The following CPLX4 variants were observed in gnomAD, a reference collection of about 807,000 sequenced individuals.
CPLX4 encodes complexin-4.
CPLX4 carries 17 observed loss-of-function variants against 16.1 expected under a neutral mutation model. That is an observed-to-expected ratio of 1.06 (90% CI 0.72 to 1.59). The LOEUF (loss-of-function observed/expected upper bound fraction) is 1.59, where lower values mean the gene tolerates loss of function less well. Among genes scored for constraint, CPLX4 ranks in the 40% most tolerant of loss-of-function variants. CPLX4 has a pLI of 0.00. For synonymous variants in CPLX4, 55 were observed against 57.8 expected (o/e 0.95, Z 0.22); for missense variants, 193 against 192.9 (o/e 1.00, Z 0.00).
chr18:59,305,892 T>C (rs1029184914), intron 2 of CPLX4, among the ~76,000 whole-genome samples: 1 of 151,936 alleles, frequency 6.6e-6, no homozygotes, highest in Non-Finnish European at 1.5e-5. Flanking sequence ...GAAAGATAAC[T>C]CATAAAGAAG....
rs1436139659 is a variant in CPLX4 at position 59,296,340 on chromosome 18, A to G, written c.*358T>C. The G allele has an allele frequency of 3.5e-6, 1 of 289,402 alleles. No individual in the cohort carries two copies. The highest frequency in any genetic ancestry group is 6.5e-6 in the Non-Finnish European group (1 of 154,182). The allele number at this position is 289,402 out of a possible 1,614,324, so 17.9% of individuals were successfully genotyped here. ...CCTGGTGTCCTGCGAATAGTTGGAC[A>G]GGGTGAGAACTTGGCCTCCAAGGAA... On this transcript the variant is annotated 3_prime_UTR_variant, in exon 3 of 3. Coordinates refer to ENST00000299721, the MANE Select transcript of CPLX4 (RefSeq NM_181654.4).
chr18:59,297,200 G>T lies in CPLX4; in HGVS notation c.256-275C>A, dbSNP rs202039889. 5.9e-5 allele frequency among the ~76,000 whole-genome samples: 9 copies of T among 152,144 alleles called. No homozygotes were observed. In the East Asian group the frequency reaches 1.7e-3, roughly 30 times the overall value. ...GCAGCATTAGCATCATCTAGAGCCTGCTGGAACTACAAATTCTTGGGCCCC... is the reference window on the plus strand; with the variant it reads ...GCAGCATTAGCATCATCTAGAGCCTTCTGGAACTACAAATTCTTGGGCCCC... On this transcript the variant is annotated intron_variant, in intron 2 of 2. Coordinates refer to ENST00000299721, the MANE Select transcript of CPLX4 (RefSeq NM_181654.4).
intron 2 of CPLX4, among the ~76,000 whole-genome samples, chr18:59,302,017 C>T (rs1008178976): frequency 7.2e-5 from 11 of 152,140 alleles, no homozygotes; most frequent in Admixed American, 6.5e-4. Flanking sequence ...TGAAAGGATC[C>T]CTGGGATAAA....
Position 59,296,602 on chromosome 18 carries a change from G to A in CPLX4, c.*96C>T. The A allele has an allele frequency of 7.4e-7, 1 of 1,347,818 alleles. No individual in the cohort carries two copies. Among genetic ancestry groups the A allele is most frequent in the South Asian group, 1.3e-5 (1 of 75,830 alleles). 83.5% of individuals were successfully genotyped at this position (1,347,818 alleles called of 1,614,324 possible). ...GGATCATCGTGGTTTTCCTAACTGT[G>A]TTCACTACATTAAAACATGTACTGC... On this transcript the variant is annotated 3_prime_UTR_variant, in exon 3 of 3. Coordinates refer to ENST00000299721, the MANE Select transcript of CPLX4 (RefSeq NM_181654.4).
intron 2 of CPLX4, among the ~76,000 whole-genome samples, chr18:59,302,356 G>C (rs769753007): frequency 6.6e-6 from 1 of 152,354 alleles, no homozygotes; most frequent in South Asian, 2.1e-4. Context: ...ATGTGAATCA[G>C]CATCACTACA....
chr18:59,302,975 G>A (rs1048443218), intron 2 of CPLX4, among the ~76,000 whole-genome samples: 1 of 152,230 alleles, frequency 6.6e-6, no homozygotes, highest in African/African-American at 2.4e-5. Flanking sequence ...CCAAAAGCTA[G>A]AAGAATGGAT....
At chr18:59,299,479 G>A (rs556834644) in intron 2 of CPLX4, among the ~76,000 whole-genome samples, 13 of 152,310 alleles carry the variant, frequency 8.5e-5, no homozygotes, top group African/African-American at 2.9e-4. Context: ...CTAGAGGAAA[G>A]CGTGTCAGCC....
At chr18:59,313,608 T>C (rs1297331196) in intron 1 of CPLX4, among the ~76,000 whole-genome samples, 1 of 152,228 alleles carries the variant, frequency 6.6e-6, no homozygotes, top group African/African-American at 2.4e-5. Context: ...GCCCTCTGGC[T>C]ATATTGGGTT....
rs776522433 is a variant in CPLX4 at position 59,318,495 on chromosome 18, C to T, written c.-33G>A. The T allele has an allele frequency of 2.1e-5, 33 of 1,568,732 alleles. No individual in the cohort carries two copies. The South Asian group carries it at 3.6e-4, about 17-fold the overall frequency. Reference sequence around the variant, plus strand: ...GCCCCAGAAAAATAAAACCAAAATTCAGACAAAAGCTGAAAAAAAAAATCC... The same window carrying T: ...GCCCCAGAAAAATAAAACCAAAATTTAGACAAAAGCTGAAAAAAAAAATCC... On this transcript the variant is annotated 5_prime_UTR_variant, in exon 1 of 3. Coordinates refer to ENST00000299721, the MANE Select transcript of CPLX4 (RefSeq NM_181654.4).
At chr18:59,315,497 G>T (rs945433334) in intron 1 of CPLX4, among the ~76,000 whole-genome samples, 1 of 151,898 alleles carries the variant, frequency 6.6e-6, no homozygotes, top group African/African-American at 2.4e-5. Flanking sequence ...TTTCTAAATG[G>T]CATCTTTTAA....
intron 1 of CPLX4, among the ~76,000 whole-genome samples, chr18:59,313,066 C>G (rs2070628463): frequency 6.6e-6 from 1 of 152,148 alleles, no homozygotes; most frequent in Admixed American, 6.5e-5. Flanking sequence ...GTGGACTGTT[C>G]AGCCAGGGAC....
chr18:59,311,642 G>A (rs114628618), intron 2 of CPLX4, among the ~76,000 whole-genome samples: 2,268 of 152,236 alleles, frequency 0.015, 67 homozygotes, highest in African/African-American at 0.052. Flanking sequence ...AAGGGATGGC[G>A]CATCTTTGGA....
At chr18:59,303,793 G>A (rs1281050223) in intron 2 of CPLX4, among the ~76,000 whole-genome samples, 1 of 152,210 alleles carries the variant, frequency 6.6e-6, no homozygotes, top group East Asian at 1.9e-4. Flanking sequence ...CATGCTCCCT[G>A]TAGACATGTA....
intron 2 of CPLX4, among the ~76,000 whole-genome samples, chr18:59,310,672 C>T (rs1016782130): frequency 6.6e-6 from 1 of 152,158 alleles, no homozygotes; most frequent in African/African-American, 2.4e-5. Flanking sequence ...AGGCGTTGTA[C>T]TAGGTCCTTT....
At chr18:59,314,985 AT>A (rs1179293742) in intron 1 of CPLX4, among the ~76,000 whole-genome samples, 2 of 152,154 alleles carry the variant, frequency 1.3e-5, no homozygotes, top group African/African-American at 4.8e-5. Flanking sequence ...ATTGTTCTAG[AT>A]TTTTTTGTGG....
intron 1 of CPLX4, among the ~76,000 whole-genome samples, chr18:59,316,332 A>G (rs775415314): frequency 1.3e-5 from 2 of 152,326 alleles, no homozygotes; most frequent in South Asian, 2.1e-4. Context: ...GTGCATTGCT[A>G]AATAGTTTTT....
At chr18:59,309,207 A>G (rs2070599023) in intron 2 of CPLX4, among the ~76,000 whole-genome samples, 1 of 152,210 alleles carries the variant, frequency 6.6e-6, no homozygotes, top group Non-Finnish European at 1.5e-5. Context: ...TATTATTGGT[A>G]TTTGTAGTAT....
chr18:59,315,750 A>G (rs9948716), intron 1 of CPLX4, among the ~76,000 whole-genome samples: 33,413 of 152,040 alleles, frequency 0.22, 4,638 homozygotes, highest in African/African-American at 0.4. Context: ...AATGTTTTTC[A>G]GTTGTTTAGC....
intron 2 of CPLX4, among the ~76,000 whole-genome samples, chr18:59,302,590 G>A (rs141954708): frequency 1.6e-3 from 242 of 152,286 alleles, no homozygotes; most frequent in African/African-American, 3.7e-3. Flanking sequence ...ATGAGAATCC[G>A]TTTTAATCTC....
Sources: gnomAD v4.1 joint callset for allele counts (sites outside exome capture counted in the v4.1 genomes callset) on GRCh38, gnomAD v4.1.1 for gene constraint, MANE v1.5 for transcripts, NCBI Gene and HGNC (gene_info 2026-07-23, HGNC 2026-07-21) for gene names.